The following SIL1 variants were observed in gnomAD, a reference collection of about 807,000 sequenced individuals.
SIL1 encodes the protein nucleotide exchange factor SIL1.
A neutral mutation model predicts 49.1 loss-of-function variants in SIL1; 40 were observed. That is an observed-to-expected ratio of 0.81 (90% CI 0.63 to 1.06). SIL1 has a LOEUF of 1.06. SIL1 is among the 50% of genes least tolerant of loss of function. SIL1 has a pLI of 0.00. For missense variants in SIL1, 500 were observed against 572.6 expected (o/e 0.87, Z 1.29); for synonymous variants, 253 against 250.8 (o/e 1.01, Z -0.08).
At chr5:138,993,327 G>A (rs894189654) in intron 7 of SIL1, among the ~76,000 whole-genome samples, 6 of 152,162 alleles carry the variant, frequency 3.9e-5, no homozygotes, top group African/African-American at 1.4e-4. Context: ...AGACCCAAGA[G>A]TCTACCCACA....
chr5:139,136,407 T>C (rs1361489779), intron 1 of SIL1, among the ~76,000 whole-genome samples: 2 of 152,132 alleles, frequency 1.3e-5, no homozygotes, highest in Non-Finnish European at 2.9e-5. Flanking sequence ...GAGGTGATCA[T>C]CAAAGCAACA....
intron 1 of SIL1, among the ~76,000 whole-genome samples, chr5:139,164,772 TGAG>T (rs1484228778): frequency 1.3e-5 from 2 of 152,158 alleles, no homozygotes; most frequent in Non-Finnish European, 2.9e-5. Flanking sequence ...TAGAAAGCAA[TGAG>T]GACTAAACTC....
intron 1 of SIL1, among the ~76,000 whole-genome samples, chr5:139,158,729 AAAT>A (rs1751450474): frequency 6.6e-6 from 1 of 152,210 alleles, no homozygotes; most frequent in African/African-American, 2.4e-5. Flanking sequence ...AAAAAAGGTA[AAAT>A]AATTTTTTAA....
chr5:139,122,104 T>C (rs1753924987), intron 2 of SIL1, among the ~76,000 whole-genome samples: 1 of 152,004 alleles, frequency 6.6e-6, no homozygotes, highest in Non-Finnish European at 1.5e-5. Flanking sequence ...CCTGCCCACC[T>C]CCCCTGTCAT....
chr5:138,963,851 C>G lies in SIL1; in HGVS notation c.768-11967G>C, dbSNP rs201428374. ...CATTTCACAGGGAGTCTCAGGCCCC[C>G]CTAGCATGGGTTTCCTAGGCCTGGC... On this transcript the variant is annotated intron_variant, in intron 7 of 9. Transcript: ENST00000394817. 4.5e-4 allele frequency among the ~76,000 whole-genome samples: 69 copies of G among 152,314 alleles called. 2 individuals are homozygous for G. In the East Asian group the frequency reaches 0.011, roughly 25 times the overall value.
chr5:139,147,198 C>T (rs1382586560), intron 1 of SIL1, among the ~76,000 whole-genome samples: 2 of 152,114 alleles, frequency 1.3e-5, no homozygotes, highest in African/African-American at 2.4e-5. Context: ...GCCTTTTCAG[C>T]TCTTTTCAGC....
chr5:139,006,592 A>C (rs557524211), intron 7 of SIL1, among the ~76,000 whole-genome samples: 3,538 of 151,534 alleles, frequency 0.023, 128 homozygotes, highest in African/African-American at 0.081. Context: ...TTTAGGTCTA[A>C]CGTTTAAATC....
At chr5:139,149,975 A>G (rs1751266011) in intron 1 of SIL1, among the ~76,000 whole-genome samples, 1 of 152,198 alleles carries the variant, frequency 6.6e-6, no homozygotes. Flanking sequence ...AAGAGAAGGG[A>G]GAAGGAAGCC....
chr5:139,106,709 T>C (rs1259178119), intron 3 of SIL1, among the ~76,000 whole-genome samples: 1 of 152,220 alleles, frequency 6.6e-6, no homozygotes, highest in Non-Finnish European at 1.5e-5. Context: ...CCAATGATGA[T>C]AATGGCTTTC....
At chr5:139,013,952 T>G (rs1044248749) in intron 7 of SIL1, 8 of 152,240 alleles carry the variant, frequency 5.3e-5, no homozygotes, top group African/African-American at 1.9e-4. Context: ...TTAGACCATT[T>G]ATGTTCAAAG....
At chr5:139,195,588 C>T (rs1234718317) in intron 1 of SIL1, among the ~76,000 whole-genome samples, 1 of 152,008 alleles carries the variant, frequency 6.6e-6, no homozygotes, top group Non-Finnish European at 1.5e-5. Context: ...GGGGTTTCAC[C>T]GTGTTAGCCA....
At chr5:139,007,283 A>G in intron 7 of SIL1, among the ~76,000 whole-genome samples, 2 of 121,360 alleles carry the variant, frequency 1.6e-5, no homozygotes, top group Admixed American at 8.3e-5. Context: ...GTGTATAAGA[A>G]TGCTTGTGAT....
At chr5:139,005,616 C>G (rs2150415041) in intron 7 of SIL1, among the ~76,000 whole-genome samples, 1 of 100,764 alleles carries the variant, frequency 9.9e-6, no homozygotes, top group African/African-American at 3.9e-5. Context: ...CCCCACCCCA[C>G]CACAGTCCCC....
At chr5:139,108,054 T>G (rs1770758830) in intron 3 of SIL1, 1 of 152,226 alleles carries the variant, frequency 6.6e-6, no homozygotes, top group Non-Finnish European at 1.5e-5. Context: ...AAATACAATC[T>G]GGGCTCAGCT....
chr5:139,172,303 C>T (rs1751787509), intron 1 of SIL1, among the ~76,000 whole-genome samples: 1 of 152,178 alleles, frequency 6.6e-6, no homozygotes, highest in African/African-American at 2.4e-5. Flanking sequence ...CACCAAGACA[C>T]ATTATAATCA....
At chr5:139,184,266 T>C (rs551448665) in intron 1 of SIL1, among the ~76,000 whole-genome samples, 1 of 152,266 alleles carries the variant, frequency 6.6e-6, no homozygotes, top group South Asian at 2.1e-4. Context: ...ACAAGGTACA[T>C]TAATAGGAGA....
intron 3 of SIL1, among the ~76,000 whole-genome samples, chr5:139,064,272 G>A (rs1278956318): frequency 6.6e-6 from 1 of 152,234 alleles, no homozygotes; most frequent in Non-Finnish European, 1.5e-5. Flanking sequence ...CCATAGGGAT[G>A]CCTGCAGCAA....
At chr5:139,161,386 C>T (rs1751510297) in intron 1 of SIL1, among the ~76,000 whole-genome samples, 2 of 152,168 alleles carry the variant, frequency 1.3e-5, no homozygotes, top group Admixed American at 1.3e-4. Context: ...ACATCTAAGT[C>T]AGGTTAAAGG....
intron 7 of SIL1, among the ~76,000 whole-genome samples, chr5:138,959,130 C>T (rs1488544914): frequency 2.0e-5 from 3 of 152,140 alleles, no homozygotes; most frequent in Non-Finnish European, 2.9e-5. Context: ...GCTCTTTTCC[C>T]GTGCCAGCCA....
Sources: allele counts gnomAD v4.1 joint callset (sites outside exome capture counted in the v4.1 genomes callset), GRCh38; gene constraint gnomAD v4.1.1; transcripts MANE v1.5; gene names NCBI Gene and HGNC (gene_info 2026-07-23, HGNC 2026-07-21).